SLC16A1: variants seen among roughly 807,000 people sequenced by gnomAD.
SLC16A1 encodes monocarboxylate transporter 1.
Under a neutral mutation model 32.2 loss-of-function variants are expected in SLC16A1, and 11 were observed. The ratio of observed to expected loss-of-function variants is 0.34; its 90% CI spans 0.21 to 0.56. The LOEUF is 0.56. Ranked by LOEUF, SLC16A1 falls within the 20% of genes least tolerant of loss-of-function variation. The probability of loss-of-function intolerance (pLI) is 0.87; values close to 1 mark genes in which losing one functional copy is unlikely to be tolerated. For synonymous variants in SLC16A1, 231 were observed against 226.8 expected (o/e 1.02, Z -0.17); for missense variants, 435 against 615.0 (o/e 0.71, Z 3.10).
At chr1:112,915,392 G>GGA (rs2101619255) in intron 4 of SLC16A1, among the ~76,000 whole-genome samples, 1 of 152,278 alleles carries the variant, frequency 6.6e-6, no homozygotes, top group East Asian at 1.9e-4. Context: ...GTGTGTGAGG[G>GGA]GAAAGAAGGG....
intron 1 of SLC16A1, among the ~76,000 whole-genome samples, chr1:112,932,167 AACATTCTAC>A (rs1181952007): frequency 1.3e-5 from 2 of 152,212 alleles, no homozygotes; most frequent in African/African-American, 2.4e-5. Context: ...ACTTATACAC[AACATTCTAC>A]TATAGGTTCT....
chr1:112,937,243 A>G (rs1649339711), intron 1 of SLC16A1, among the ~76,000 whole-genome samples: 1 of 152,220 alleles, frequency 6.6e-6, no homozygotes, highest in Non-Finnish European at 1.5e-5. Context: ...TTAAACTTTG[A>G]GTTTAGCTGC....
rs547822256 is a variant in SLC16A1 at position 112,932,630 on chromosome 1, C to T, written c.-44-3278G>A. ...CAGCCTGGCCAACATGGTGAAACCC[C>T]GTCTCTACTAAAGATACAAAAAATT... On this transcript the variant is annotated intron_variant, in intron 1 of 4. Coordinates refer to ENST00000369626, the MANE Select transcript of SLC16A1 (RefSeq NM_003051.4). Among the ~76,000 whole-genome samples, 3 of 151,776 alleles carry T rather than the reference C, an allele frequency of 2.0e-5. No individual in the cohort carries two copies. In the East Asian group the frequency reaches 5.8e-4, roughly 29 times the overall value.
intron 1 of SLC16A1, among the ~76,000 whole-genome samples, chr1:112,936,332 A>G (rs1246007807): frequency 1.3e-5 from 2 of 151,648 alleles, no homozygotes; most frequent in African/African-American, 4.8e-5. Context: ...AAATGGTGAA[A>G]CCCCAACTCT....
Position 112,922,533 on chromosome 1 carries a change from G to T in SLC16A1, c.218-400C>A, listed in dbSNP as rs1648772559. The T allele has an allele frequency of 1.2e-5, 3 of 243,002 alleles. No homozygotes were observed. In the South Asian group the frequency reaches 1.6e-4, roughly 13 times the overall value. The allele number at this position is 243,002 out of a possible 1,614,324, so 15.1% of individuals were successfully genotyped here. A position where few individuals can be genotyped will look rare whatever the true frequency, so the allele number is the denominator to read the frequency against. Reference sequence around the variant, plus strand: ...TCACGCCTGTAATCCCAGCACTTTGGGAGGCTGGGGCAGGTGGATCACCCG... The same window carrying T: ...TCACGCCTGTAATCCCAGCACTTTGTGAGGCTGGGGCAGGTGGATCACCCG... On this transcript the variant is annotated intron_variant, in intron 2 of 4. Coordinates refer to ENST00000369626, the MANE Select transcript of SLC16A1 (RefSeq NM_003051.4).
At chr1:112,923,855 G>A (rs570232952) in intron 2 of SLC16A1, 7 of 1,514,660 alleles carry the variant, frequency 4.6e-6, no homozygotes, top group Admixed American at 3.3e-5. Context: ...CTGTGTACCA[G>A]GGCATGTACA....
intron 4 of SLC16A1, among the ~76,000 whole-genome samples, chr1:112,914,781 CG>C (rs1648444103): frequency 6.6e-6 from 1 of 152,166 alleles, no homozygotes; most frequent in Non-Finnish European, 1.5e-5. Flanking sequence ...AAGTCTGACT[CG>C]GAAGTCTGCA....
intron 1 of SLC16A1, among the ~76,000 whole-genome samples, chr1:112,944,085 G>A (rs1439218995): frequency 2.0e-5 from 3 of 152,186 alleles, no homozygotes; most frequent in Non-Finnish European, 4.4e-5. Context: ...AGGTTGAGAA[G>A]GGGAGTTAAT....
At chr1:112,927,377 T>C (rs139327099) in intron 2 of SLC16A1, among the ~76,000 whole-genome samples, 30 of 152,164 alleles carry the variant, frequency 2.0e-4, no homozygotes, top group African/African-American at 6.5e-4. Context: ...CAACCATCAC[T>C]GTATATCTCT....
In SLC16A1 at chr1:112,913,616, A is replaced by G; in HGVS notation, c.*275T>C. 8.5e-6 allele frequency: 4 copies of G among 467,946 alleles called. No homozygotes were observed. In the South Asian group the frequency reaches 9.4e-5, roughly 11 times the overall value. 29.0% of individuals were successfully genotyped at this position (467,946 alleles called of 1,614,324 possible). A position where few individuals can be genotyped will look rare whatever the true frequency, so the allele number is the denominator to read the frequency against. ...CTAAAGACTAAAACTTAAGGCACAT[A>G]TTATAATCTTTATGACACTATTAAA... is the stretch of plus-strand genomic sequence containing the variant. On this transcript the variant is annotated 3_prime_UTR_variant, in exon 5 of 5. Coordinates refer to ENST00000369626, the MANE Select transcript of SLC16A1 (RefSeq NM_003051.4).
intron 1 of SLC16A1, among the ~76,000 whole-genome samples, chr1:112,932,115 C>T (rs1011889435): frequency 6.6e-6 from 1 of 152,152 alleles, no homozygotes; most frequent in Non-Finnish European, 1.5e-5. Context: ...ATGAAAATAG[C>T]TCCATACAAG....
chr1:112,917,848 T>C lies in SLC16A1; in HGVS notation c.558A>G (p.Leu186=), dbSNP rs200793601. The change falls in exon 4 of 5, where the codon CTA becomes CTG. Residue 186 remains leucine, a synonymous_variant. Coordinates refer to ENST00000369626, the MANE Select transcript of SLC16A1 (RefSeq NM_003051.4). This position sits in a 1 kb window ranked among gnomAD's most constrained non-coding sequence, Gnocchi z 4.1. ...TGAGGGCTCCAGCAACACAGCAGTT[T>C]AGTAGCAAGCCCCCAAGAATTAGAA... ...GSFLILGGLL[L]NCCVAGALMR... The C allele has an allele frequency of 8.7e-6, 14 of 1,613,580 alleles. No homozygotes were observed. The Admixed American group carries it at 1.3e-4, about 15-fold the overall frequency.
intron 1 of SLC16A1, among the ~76,000 whole-genome samples, chr1:112,954,141 C>A (rs1267221697): frequency 1.3e-5 from 2 of 152,160 alleles, no homozygotes; most frequent in East Asian, 1.9e-4. Context: ...TAGTCCTCAA[C>A]TGCAACAAAA....
At chr1:112,947,157 G>A (rs1649733879) in intron 1 of SLC16A1, among the ~76,000 whole-genome samples, 1 of 152,102 alleles carries the variant, frequency 6.6e-6, no homozygotes, top group African/African-American at 2.4e-5. Context: ...ATTATATTCT[G>A]GAATAAATAA....
chr1:112,923,715 G>A, intron 2 of SLC16A1: 1 of 1,539,058 alleles, frequency 6.5e-7, no homozygotes, highest in African/African-American at 1.4e-5. Context: ...CCCGGTGGAA[G>A]AGACACTGAG....
chr1:112,953,163 T>A (rs547021891), intron 1 of SLC16A1, among the ~76,000 whole-genome samples: 3 of 151,572 alleles, frequency 2.0e-5, no homozygotes, highest in South Asian at 2.1e-4. Flanking sequence ...CTTTTTTTTT[T>A]TTTTTTTTTG....
intron 2 of SLC16A1, chr1:112,923,416 C>T (rs1032749032): frequency 2.7e-5 from 18 of 656,626 alleles, no homozygotes; most frequent in African/African-American, 5.3e-5. Flanking sequence ...CTCCTGTTGC[C>T]GCCATCATGT....
intron 1 of SLC16A1, among the ~76,000 whole-genome samples, chr1:112,935,403 G>A (rs975032830): frequency 6.6e-5 from 10 of 151,566 alleles, no homozygotes; most frequent in South Asian, 4.2e-4. Context: ...GCAAGACTCC[G>A]CTTCAAAAAA....
At chr1:112,933,274 C>T (rs1649197671) in intron 1 of SLC16A1, among the ~76,000 whole-genome samples, 1 of 151,682 alleles carries the variant, frequency 6.6e-6, no homozygotes, top group Admixed American at 6.6e-5. Flanking sequence ...TTGAGATCAA[C>T]CTGGCTGTCT....
Sources: allele counts gnomAD v4.1 joint callset (sites outside exome capture counted in the v4.1 genomes callset), GRCh38; gene constraint gnomAD v4.1.1; non-coding constraint Gnocchi (gnomAD v3.1); transcripts MANE v1.5; gene names NCBI Gene and HGNC (gene_info 2026-07-23, HGNC 2026-07-21).